PALB2: variants seen among roughly 807,000 people sequenced by gnomAD.
PALB2 encodes the protein partner and localizer of BRCA2, also known as mutant partner and localizer of BRCA2.
PALB2 carries 82 observed loss-of-function variants against 107.4 expected under a neutral mutation model. That is an observed-to-expected ratio of 0.76 (90% confidence interval 0.64 to 0.92). The LOEUF is 0.92. Ranked by LOEUF, PALB2 falls within the 40% of genes least tolerant of loss-of-function variation. PALB2 has a pLI of 0.00. For synonymous variants in PALB2, 489 were observed against 496.8 expected (o/e 0.98, Z 0.21); for missense variants, 1,374 against 1,379.9 (o/e 1.00, Z 0.07).
rs1567221497 is a variant in PALB2, at chr16:23,635,396, C to T, written c.1150G>A (p.Glu384Lys). Residue 384 changes from glutamate to lysine, a missense_variant, in exon 4 of 13, where the codon GAA (glutamate) becomes AAA (lysine). Coordinates refer to ENST00000261584, the MANE Select transcript of PALB2 (RefSeq NM_024675.4). The stretch of plus-strand genomic sequence containing the variant: ...TCTGCAGAAAGAGGAGAGGTTGCTT[C>T]CAGGCTAAGACTCTTAGGTTGACTT... ...ILSQPKSLSL[E>K]ATSPLSAEKH... The T allele has an allele frequency of 2.5e-6, 4 of 1,614,042 alleles. No individual in the cohort carries two copies. The highest frequency in any genetic ancestry group is 3.4e-6 in the Non-Finnish European group (4 of 1,180,004).
intron 6 of PALB2, among the ~76,000 whole-genome samples, chr16:23,628,053 AT>A (rs554495698): frequency 7.5e-4 from 114 of 152,274 alleles, no homozygotes; most frequent in African/African-American, 2.6e-3. Flanking sequence ...GCAAAACCCC[AT>A]TTCTACTAAA....
At chr16:23,628,928 C>A (rs1279598272) in intron 6 of PALB2, among the ~76,000 whole-genome samples, 4 of 152,182 alleles carry the variant, frequency 2.6e-5, no homozygotes, top group African/African-American at 9.7e-5. Context: ...GCCACCGTGC[C>A]CAGCTCCCTA....
intron 11 of PALB2, among the ~76,000 whole-genome samples, chr16:23,609,602 C>T (rs1044676021): frequency 1.3e-5 from 2 of 152,110 alleles, no homozygotes; most frequent in African/African-American, 4.8e-5. Context: ...ACTGCAAGCT[C>T]TGCCTCCTGG....
intron 8 of PALB2, among the ~76,000 whole-genome samples, chr16:23,623,649 G>T (rs1966816534): frequency 6.6e-6 from 1 of 151,192 alleles, no homozygotes; most frequent in Admixed American, 6.6e-5. Context: ...GAGTAGCTGG[G>T]ATTATAGGCA....
At chr16:23,629,445 T>A (rs1164564027) in intron 5 of PALB2, among the ~76,000 whole-genome samples, 170 bp from the exon 6 acceptor site, 1 of 152,230 alleles carries the variant, frequency 6.6e-6, no homozygotes, top group Non-Finnish European at 1.5e-5. Context: ...GGACCTCCCA[T>A]ATTTAAAAGA....
rs769547308 is a variant in PALB2 at position 23,622,954 on chromosome 16, C to T, written c.2996+15G>A. The stretch of plus-strand genomic sequence containing the variant: ...CTTCATCTAATAGTTAAAAATCAAT[C>T]AATGCTTTTCTTACCCTCCATCTTC... On this transcript the variant is annotated intron_variant, in intron 9 of 12. Transcript: ENST00000261584. 1 of 1,613,864 alleles carries T rather than the reference C, an allele frequency of 6.2e-7. No homozygotes were observed. The highest frequency in any genetic ancestry group is 8.5e-7 in the Non-Finnish European group (1 of 1,179,828).
At chr16:23,620,799 G>A (rs538493940) in intron 10 of PALB2, among the ~76,000 whole-genome samples, 19 of 152,322 alleles carry the variant, frequency 1.2e-4, no homozygotes, top group South Asian at 4.1e-4. Flanking sequence ...CAGGCCGGGC[G>A]CAGTGGCTCA....
chr16:23,631,001 C>T (rs1360640874), intron 4 of PALB2, among the ~76,000 whole-genome samples: 1 of 150,888 alleles, frequency 6.6e-6, no homozygotes, highest in Non-Finnish European at 1.5e-5. Context: ...TGGTGCCTCA[C>T]ACTTGTAGTC....
rs1555460478 is a variant in PALB2, at chr16:23,630,023, C to T, written c.2131G>A (p.Val711Ile). Residue 711 changes from valine to isoleucine, a missense_variant, in exon 5 of 13, where the codon GTT (valine) becomes ATT (isoleucine). Coordinates refer to ENST00000261584, the MANE Select transcript of PALB2 (RefSeq NM_024675.4). ...GGCCTGTCATTATCATCAGGCGCAA[C>T]CGTATTTAAAGGAGTATAAAGTAAT... ...SILLYTPLNT[V>I]APDDNDRPTT... 1 of 1,614,078 alleles carries T rather than the reference C, an allele frequency of 6.2e-7. No homozygotes were observed. The highest frequency in any genetic ancestry group is 8.5e-7 in the Non-Finnish European group (1 of 1,180,024).
intron 10 of PALB2, among the ~76,000 whole-genome samples, chr16:23,620,000 G>A (rs1369788958): frequency 1.3e-5 from 2 of 152,112 alleles, no homozygotes; most frequent in African/African-American, 2.4e-5. Context: ...GGCTGGTCTC[G>A]AACACTTGGC....
intron 10 of PALB2, among the ~76,000 whole-genome samples, 175 bp downstream of exon 10, chr16:23,621,187 G>C (rs927625246): frequency 6.6e-6 from 1 of 152,202 alleles, no homozygotes; most frequent in Non-Finnish European, 1.5e-5. Context: ...TCCCACCTGG[G>C]TGATAGGAGG....
At chr16:23,640,981 C>A in intron 1 of PALB2, 129 bp downstream of exon 1, 1 of 1,034,290 alleles carries the variant, frequency 9.7e-7, no homozygotes, top group Non-Finnish European at 1.4e-6. Context: ...TGTGCCCCCT[C>A]AGCCCTAAGA....
intron 11 of PALB2, among the ~76,000 whole-genome samples, chr16:23,610,310 T>A (rs1966560900): frequency 1.7e-5 from 2 of 120,026 alleles, no homozygotes; most frequent in South Asian, 5.9e-4. Context: ...ATGTTATTTC[T>A]TTTTTTTTTT....
At position 23,622,950 on chromosome 16, in the gene PALB2, C is replaced by G. The variant is rs2142333955; in HGVS notation, c.2996+19G>C. On this transcript the variant is annotated intron_variant, in intron 9 of 12. Coordinates refer to ENST00000261584, the MANE Select transcript of PALB2 (RefSeq NM_024675.4). ...CATTCTTCATCTAATAGTTAAAAAT[C>G]AATCAATGCTTTTCTTACCCTCCAT... 1 of 1,613,808 alleles carries G rather than the reference C, an allele frequency of 6.2e-7. No individual in the cohort carries two copies.
rs756415176 is a variant in PALB2, at chr16:23,614,101, C to T, written c.3114-10G>A. The T allele has an allele frequency of 2.6e-6, 4 of 1,567,144 alleles. No homozygotes were observed. The East Asian group carries it at 9.0e-5, about 35-fold the overall frequency. ...ACCAGTTTTTAAATTCCTTAGATAA[C>T]AAAAATAAATAAGCTGATCACATTC... is the stretch of plus-strand genomic sequence containing the variant. On this transcript the variant is annotated splice_polypyrimidine_tract_variant and intron_variant, in intron 10 of 12. Coordinates refer to ENST00000261584, the MANE Select transcript of PALB2 (RefSeq NM_024675.4).
At position 23,621,658 on chromosome 16, in the gene PALB2, T is replaced by C. The variant is rs1485563970; in HGVS notation, c.2997-180A>G. On this transcript the variant is annotated intron_variant, in intron 9 of 12. Coordinates refer to ENST00000261584, the MANE Select transcript of PALB2 (RefSeq NM_024675.4). Reference sequence around the variant, plus strand: ...GAACATATATTACTTTCATAATATCTACCTAGATATGCTGCAAGCACCTCG... The same window carrying C: ...GAACATATATTACTTTCATAATATCCACCTAGATATGCTGCAAGCACCTCG... 2.6e-5 allele frequency among the ~76,000 whole-genome samples: 4 copies of C among 152,246 alleles called. 1 individual carries two copies. Among genetic ancestry groups the C allele is most frequent in the Admixed American group, 2.6e-4 (4 of 15,280 alleles).
intron 10 of PALB2, among the ~76,000 whole-genome samples, chr16:23,616,894 G>A (rs1016743175): frequency 6.6e-6 from 1 of 151,528 alleles, no homozygotes; most frequent in Non-Finnish European, 1.5e-5. Flanking sequence ...CTCACTGCAA[G>A]CTCCACCTCC....
chr16:23,624,153 G>A (rs1310966649), intron 7 of PALB2, 59 bp from the exon 8 acceptor site: 2 of 1,237,232 alleles, frequency 1.6e-6, no homozygotes, highest in Non-Finnish European at 2.4e-6. Context: ...GTTTAATCCA[G>A]ATTTTCCAAA....
chr16:23,621,963 T>C lies in PALB2; in HGVS notation c.2997-485A>G, dbSNP rs114040067. ...CCCAGTAATTTTATCTTCTCATCTC[T>C]CAGAAATCTGTCTGCTTCTTCCCAT... On this transcript the variant is annotated intron_variant, in intron 9 of 12. Coordinates refer to ENST00000261584, the MANE Select transcript of PALB2 (RefSeq NM_024675.4). Among the ~76,000 whole-genome samples, 577 of 152,298 alleles carry C rather than the reference T, an allele frequency of 3.8e-3. 6 individuals carry two copies. Among genetic ancestry groups the C allele is most frequent in the African/African-American group, 0.013 (549 of 41,570 alleles).
Sources: allele counts gnomAD v4.1 joint callset (sites outside exome capture counted in the v4.1 genomes callset), GRCh38; gene constraint gnomAD v4.1.1; transcripts MANE v1.5; gene names NCBI Gene and HGNC (gene_info 2026-07-23, HGNC 2026-07-21).